The following BRIP1 variants were observed in gnomAD, a reference collection of about 807,000 sequenced individuals.
The protein encoded by BRIP1 is BRCA1 interacting DNA helicase 1, also known as Fanconi anemia group J protein.
In BRIP1, 88 loss-of-function variants were observed where a neutral mutation model predicts 119.7. The ratio of observed to expected loss-of-function variants is 0.74; its 90% CI spans 0.62 to 0.88. BRIP1 has a LOEUF of 0.88. Among genes scored for constraint, BRIP1 ranks in the 40% least tolerant of loss-of-function variants. BRIP1 has a pLI of 0.00. For synonymous variants in BRIP1, 443 were observed against 496.5 expected, an observed-to-expected ratio of 0.89 and a Z score of 1.43; for missense variants, 1,259 against 1,455.4, an observed-to-expected ratio of 0.87 and a Z score of 2.20.
At chr17:61,835,123 T>C (rs966963721) in intron 6 of BRIP1, among the ~76,000 whole-genome samples, 4 of 144,774 alleles carry the variant, frequency 2.8e-5, no homozygotes, top group Admixed American at 7.2e-5. Flanking sequence ...TTCTCTTAGA[T>C]GATGCTTTTA....
At chr17:61,821,986 C>A (rs1368606780) in intron 6 of BRIP1, among the ~76,000 whole-genome samples, 2 of 152,108 alleles carry the variant, frequency 1.3e-5, no homozygotes, top group African/African-American at 4.8e-5. Flanking sequence ...TAAAACTGCA[C>A]ATGAAAACAT....
rs2061282034 is a variant in BRIP1, at chr17:61,682,410, G to C, written c.*886C>G. On this transcript the variant is annotated 3_prime_UTR_variant, in exon 20 of 20. Coordinates refer to ENST00000259008, the MANE Select transcript of BRIP1 (RefSeq NM_032043.3). This position sits in a 1 kb window ranked among gnomAD's most constrained non-coding sequence, Gnocchi z 4.9. ...CTAAATAATTAGAATAGAAAATTTG[G>C]AATACTTCATTTGGCATTTTATATC... is the stretch of plus-strand genomic sequence containing the variant. 4.9e-6 allele frequency: 1 copy of C among 205,170 alleles called. No individual in the cohort carries two copies. Among genetic ancestry groups the C allele is most frequent in the East Asian group, 7.6e-5 (1 of 13,224 alleles). 12.7% of individuals were successfully genotyped at this position (205,170 alleles called of 1,614,324 possible). A position where few individuals can be genotyped will look rare whatever the true frequency, so the allele number is the denominator to read the frequency against.
Position 61,682,517 on chromosome 17 carries a change from A to G in BRIP1, c.*779T>C, listed in dbSNP as rs185040281. ...AAAACAATTTCAATTAAAAATGCAT[A>G]CTACTTTCTTAATTTCTCTTAATTA... On this transcript the variant is annotated 3_prime_UTR_variant, in exon 20 of 20. Coordinates refer to ENST00000259008, the MANE Select transcript of BRIP1 (RefSeq NM_032043.3). This position sits in a 1 kb window ranked among gnomAD's most constrained non-coding sequence, Gnocchi z 4.9. The G allele has an allele frequency of 1.0e-5, 2 of 198,546 alleles. No homozygotes were observed. Among genetic ancestry groups the G allele is most frequent in the East Asian group, 1.6e-4 (2 of 12,488 alleles). The allele number at this position is 198,546 out of a possible 1,614,324, so 12.3% of individuals were successfully genotyped here. A position where few individuals can be genotyped will look rare whatever the true frequency, so the allele number is the denominator to read the frequency against.
chr17:61,756,237 G>C lies in BRIP1; in HGVS notation c.2098-11646C>G, dbSNP rs1191350194. Among the ~76,000 whole-genome samples, 1 of 152,120 alleles carries C rather than the reference G, an allele frequency of 6.6e-6. No individual in the cohort carries two copies. The highest frequency in any genetic ancestry group is 1.9e-4 in the East Asian group (1 of 5,194). On this transcript the variant is annotated intron_variant, in intron 14 of 19. Coordinates refer to ENST00000259008, the MANE Select transcript of BRIP1 (RefSeq NM_032043.3). The surrounding 1 kb of genome is among the most constrained non-coding windows in gnomAD (Gnocchi z 4.3). ...CAGCTTAACTATTTCTGTCTTGCCA[G>C]AGAAATCACATAAATAAACACAAAA...
chr17:61,833,838 C>T (rs959025098), intron 6 of BRIP1, among the ~76,000 whole-genome samples: 17 of 152,074 alleles, frequency 1.1e-4, no homozygotes, highest in Non-Finnish European at 1.0e-4. Flanking sequence ...TAGTATAGAA[C>T]GGGCTGGCAA....
At position 61,857,007 on chromosome 17, in the gene BRIP1, A is replaced by C; in HGVS notation, c.379+51T>G. 1 of 1,543,444 alleles carries C rather than the reference A, an allele frequency of 6.5e-7. No individual in the cohort carries two copies. The highest frequency in any genetic ancestry group is 9.0e-7 in the Non-Finnish European group (1 of 1,115,942). ...TAAATTAGGGCTTATAACAGTAATA[A>C]TTAAGACTCTTATTACAGATATCAA... On this transcript the variant is annotated intron_variant, in intron 4 of 19. Coordinates refer to ENST00000259008, the MANE Select transcript of BRIP1 (RefSeq NM_032043.3). The surrounding 1 kb of genome is among the most constrained non-coding windows in gnomAD (Gnocchi z 5.1).
rs2076756957 is a variant in BRIP1 at position 61,725,686 on chromosome 17, G to T, written c.2380-9623C>A. Reference sequence around the variant, plus strand: ...ACCCAGAATGGAGTGCAGTGGCATGGTCATAGGTCACTGCAACCTCCAACT... The same window carrying T: ...ACCCAGAATGGAGTGCAGTGGCATGTTCATAGGTCACTGCAACCTCCAACT... On this transcript the variant is annotated intron_variant, in intron 16 of 19. Coordinates refer to ENST00000259008, the MANE Select transcript of BRIP1 (RefSeq NM_032043.3). This position sits in a 1 kb window ranked among gnomAD's most constrained non-coding sequence, Gnocchi z 5.3. 6.6e-6 allele frequency among the ~76,000 whole-genome samples: 1 copy of T among 152,010 alleles called. No individual in the cohort carries two copies. Among genetic ancestry groups the T allele is most frequent in the African/African-American group, 2.4e-5 (1 of 41,398 alleles).
chr17:61,856,915 C>G lies in BRIP1; in HGVS notation c.379+143G>C. On this transcript the variant is annotated intron_variant, in intron 4 of 19. Transcript: ENST00000259008. This position sits in a 1 kb window ranked among gnomAD's most constrained non-coding sequence, Gnocchi z 5.1. Reference sequence around the variant, plus strand: ...TCTATGGATTTTTGACCACTCTGTGCTATTTTAAAATCATTCCAGAGAAAC... The same window carrying G: ...TCTATGGATTTTTGACCACTCTGTGGTATTTTAAAATCATTCCAGAGAAAC... 1 of 828,098 alleles carries G rather than the reference C, an allele frequency of 1.2e-6. No individual in the cohort carries two copies. The highest frequency in any genetic ancestry group is 1.6e-5 in the South Asian group (1 of 63,026). The allele number at this position is 828,098 out of a possible 1,614,324, so 51.3% of individuals were successfully genotyped here. A position where few individuals can be genotyped will look rare whatever the true frequency, so the allele number is the denominator to read the frequency against.
In BRIP1 at chr17:61,709,715, G is replaced by A. The variant is rs141193229; in HGVS notation, c.2492+6236C>T. ...CTGCCTTGCTTAAATGAATTATGCC[G>A]GCTTGAGACAAAGATTATACTTTCA... On this transcript the variant is annotated intron_variant, in intron 17 of 19. Transcript: ENST00000259008. The surrounding 1 kb of genome is among the most constrained non-coding windows in gnomAD (Gnocchi z 5.0). Among the ~76,000 whole-genome samples, 7 of 152,150 alleles carry A rather than the reference G, an allele frequency of 4.6e-5. No homozygotes were observed. The highest frequency in any genetic ancestry group is 8.8e-5 in the Non-Finnish European group (6 of 67,986).
chr17:61,830,820 A>C (rs2078482479), intron 6 of BRIP1, among the ~76,000 whole-genome samples: 1 of 152,228 alleles, frequency 6.6e-6, no homozygotes, highest in South Asian at 2.1e-4. Context: ...TAAAGACATT[A>C]CAGAAAACTA....
rs1035807357 is a variant in BRIP1 at position 61,709,924 on chromosome 17, T to A, written c.2492+6027A>T. 6.6e-6 allele frequency among the ~76,000 whole-genome samples: 1 copy of A among 152,208 alleles called. No individual in the cohort carries two copies. Among genetic ancestry groups the A allele is most frequent in the African/African-American group, 2.4e-5 (1 of 41,472 alleles). The stretch of plus-strand genomic sequence containing the variant: ...AAGGAATCCATTGGTTTCTGCTTAC[T>A]TTAGATCTTCTGTATCCCTTACAAG... On this transcript the variant is annotated intron_variant, in intron 17 of 19. Coordinates refer to ENST00000259008, the MANE Select transcript of BRIP1 (RefSeq NM_032043.3). This position sits in a 1 kb window ranked among gnomAD's most constrained non-coding sequence, Gnocchi z 5.0.
In BRIP1 at chr17:61,684,243, G is replaced by A; in HGVS notation, c.2906-103C>T. Reference sequence around the variant, plus strand: ...TAGAAATACCTAAATAACTGTATAGGATACATAACTTAGAGCCCCCAACGA... The same window carrying A: ...TAGAAATACCTAAATAACTGTATAGAATACATAACTTAGAGCCCCCAACGA... On this transcript the variant is annotated intron_variant, in intron 19 of 19. Transcript: ENST00000259008. The surrounding 1 kb of genome is among the most constrained non-coding windows in gnomAD (Gnocchi z 4.5). 2.3e-6 allele frequency: 3 copies of A among 1,315,316 alleles called. No individual in the cohort carries two copies. The highest frequency in any genetic ancestry group is 3.1e-6 in the Non-Finnish European group (3 of 962,140). 81.5% of individuals were successfully genotyped at this position (1,315,316 alleles called of 1,614,324 possible).
chr17:61,819,370 A>G (rs543247018), intron 6 of BRIP1, among the ~76,000 whole-genome samples: 1 of 152,326 alleles, frequency 6.6e-6, no homozygotes, highest in East Asian at 1.9e-4. Context: ...CAGCAATCCC[A>G]CTGCTAGGTG....
rs2078689268 is a variant in BRIP1 at position 61,843,670 on chromosome 17, C to T, written c.627+3431G>A. On this transcript the variant is annotated intron_variant, in intron 6 of 19. Transcript: ENST00000259008. This position sits in a 1 kb window ranked among gnomAD's most constrained non-coding sequence, Gnocchi z 5.7. Reference sequence around the variant, plus strand: ...TGTGACAAGTTTGCTCTCTCTTTGTCTTCTGGCATGCTTGTAAGCTTCTTG... The same window carrying T: ...TGTGACAAGTTTGCTCTCTCTTTGTTTTCTGGCATGCTTGTAAGCTTCTTG... Among the ~76,000 whole-genome samples the T allele has an allele frequency of 6.6e-6, 1 of 152,128 alleles. No individual in the cohort carries two copies. Among genetic ancestry groups the T allele is most frequent in the African/African-American group, 2.4e-5 (1 of 41,436 alleles).
In BRIP1 at chr17:61,690,452, G is replaced by C. The variant is rs956026423; in HGVS notation, c.2575+2978C>G. ...ATGTGATGGGAAAAGTAAAAGTGTA[G>C]AGTTTATACAACTGAAATGAATTTG... On this transcript the variant is annotated intron_variant, in intron 18 of 19. Coordinates refer to ENST00000259008, the MANE Select transcript of BRIP1 (RefSeq NM_032043.3). This position sits in a 1 kb window ranked among gnomAD's most constrained non-coding sequence, Gnocchi z 5.6. 2.0e-5 allele frequency among the ~76,000 whole-genome samples: 3 copies of C among 152,114 alleles called. No individual in the cohort carries two copies. The highest frequency in any genetic ancestry group is 7.2e-5 in the African/African-American group (3 of 41,438).
Position 61,862,703 on chromosome 17 carries a change from GAATT to G in BRIP1, c.-31+577_-31+580del, listed in dbSNP as rs1385247729. On this transcript the variant is annotated intron_variant, in intron 1 of 19. Coordinates refer to ENST00000259008, the MANE Select transcript of BRIP1 (RefSeq NM_032043.3). The surrounding 1 kb of genome is among the most constrained non-coding windows in gnomAD (Gnocchi z 5.3). ...ATTACATGCACTGTTATTAAATAAG[GAATT>G]ATTTGCAGTCGTGGGAAAAAATTGT... is the stretch of plus-strand genomic sequence containing the variant. Among the ~76,000 whole-genome samples, 1 of 152,156 alleles carries G rather than the reference GAATT, an allele frequency of 6.6e-6. No homozygotes were observed. Among genetic ancestry groups the G allele is most frequent in the East Asian group, 1.9e-4 (1 of 5,200 alleles).
At chr17:61,800,625 T>C (rs2077975407) in intron 8 of BRIP1, among the ~76,000 whole-genome samples, 1 of 152,152 alleles carries the variant, frequency 6.6e-6, no homozygotes, top group African/African-American at 2.4e-5. Context: ...AAAACTGACC[T>C]GGCATTGATA....
chr17:61,817,241 CAT>C (rs947152542), intron 6 of BRIP1, among the ~76,000 whole-genome samples: 10 of 152,040 alleles, frequency 6.6e-5, no homozygotes, highest in African/African-American at 2.4e-4. Context: ...GGTAAAAAGA[CAT>C]ATATGTATTA....
chr17:61,787,349 T>TA (rs2077741014), intron 10 of BRIP1, among the ~76,000 whole-genome samples: 1 of 126,874 alleles, frequency 7.9e-6, no homozygotes, highest in Non-Finnish European at 1.6e-5. Context: ...ATATAAAACA[T>TA]TATATATTAA....
Sources: gnomAD v4.1 joint callset for allele counts (sites outside exome capture counted in the v4.1 genomes callset) on GRCh38, gnomAD v4.1.1 for gene constraint, Gnocchi (gnomAD v3.1) non-coding constraint, MANE v1.5 for transcripts, NCBI Gene and HGNC (gene_info 2026-07-23, HGNC 2026-07-21) for gene names.